QDPR: variants seen among roughly 807,000 people sequenced by gnomAD.
QDPR encodes dihydropteridine reductase.
A neutral mutation model predicts 31.7 loss-of-function variants in QDPR; 23 were observed. The observed-to-expected ratio is 0.73, with a 90% CI of 0.52 to 1.03. The LOEUF (loss-of-function observed/expected upper bound fraction) is 1.03. Ranked by LOEUF, QDPR falls within the 50% of genes least tolerant of loss-of-function variation. QDPR has a pLI of 0.00. For synonymous variants in QDPR, 124 were observed against 124.7 expected, an observed-to-expected ratio of 0.99 and a Z score of 0.03; for missense variants, 324 against 323.8, an observed-to-expected ratio of 1.00 and a Z score of 0.00.
intron 6 of QDPR, among the ~76,000 whole-genome samples, chr4:17,488,933 G>A (rs915027720): frequency 8.5e-5 from 13 of 152,226 alleles, no homozygotes; most frequent in African/African-American, 3.1e-4. Flanking sequence ...GGAAGGCTCT[G>A]AAAGAGACCA....
intron 5 of QDPR, among the ~76,000 whole-genome samples, chr4:17,491,559 A>T (rs1420929479): frequency 6.6e-6 from 1 of 152,228 alleles, no homozygotes; most frequent in Non-Finnish European, 1.5e-5. Context: ...TCACACATAC[A>T]TACCCCATAT....
intron 6 of QDPR, 116 bp downstream of exon 6, chr4:17,490,546 T>C (rs1577184615): frequency 4.7e-6 from 4 of 851,560 alleles, no homozygotes; most frequent in Non-Finnish European, 7.8e-6. Context: ...CCCAGAGACC[T>C]CCCAAGACCA....
chr4:17,491,576 T>C (rs555752949), intron 5 of QDPR, among the ~76,000 whole-genome samples: 1 of 152,242 alleles, frequency 6.6e-6, no homozygotes, highest in African/African-American at 2.4e-5. Context: ...ATATAATGAC[T>C]TGAAAGACAG....
rs747311750 is a variant in QDPR at position 17,496,442 on chromosome 4, C to CAAAAAAAAAAAA, written c.437-4114_437-4103dup. Among the ~76,000 whole-genome samples, 116 of 64,614 alleles carry CAAAAAAAAAAAA rather than the reference C, an allele frequency of 1.8e-3. 2 individuals are homozygous for CAAAAAAAAAAAA. Among genetic ancestry groups the CAAAAAAAAAAAA allele is most frequent in the South Asian group, 3.7e-3 (4 of 1,072 alleles). 42.4% of individuals were successfully genotyped at this position (64,614 alleles called of 152,430 possible). ...CTGGGCAATAAGGGCAAAACTGTCT[C>CAAAAAAAAAAAA]AAAAAAAAAAAAAAAAAAAAAAAAA... is the stretch of plus-strand genomic sequence containing the variant. On this transcript the variant is annotated intron_variant, in intron 4 of 6. Coordinates refer to ENST00000281243, the MANE Select transcript of QDPR (RefSeq NM_000320.3).
intron 4 of QDPR, 148 bp from the exon 5 acceptor site, chr4:17,492,488 AC>A: frequency 1.5e-6 from 1 of 678,632 alleles, no homozygotes; most frequent in Non-Finnish European, 2.6e-6. Context: ...GCCCTCACCA[AC>A]CCCCATCAAA....
intron 2 of QDPR, among the ~76,000 whole-genome samples, chr4:17,507,391 C>T (rs2108996071): frequency 6.6e-6 from 1 of 152,238 alleles, no homozygotes; most frequent in African/African-American, 2.4e-5. Flanking sequence ...GCACTAAAAA[C>T]CATTAAACAC....
At chr4:17,503,306 T>A (rs1329290533) in intron 3 of QDPR, among the ~76,000 whole-genome samples, 1 of 152,106 alleles carries the variant, frequency 6.6e-6, no homozygotes, top group Non-Finnish European at 1.5e-5. Context: ...GTGGAATATG[T>A]TTAGGGAAAA....
chr4:17,494,448 C>A (rs150725816), intron 4 of QDPR, among the ~76,000 whole-genome samples: 1 of 152,146 alleles, frequency 6.6e-6, no homozygotes, highest in Non-Finnish European at 1.5e-5. Flanking sequence ...TATGTGCTGG[C>A]GTGATGACTC....
chr4:17,504,459 C>G lies in QDPR; in HGVS notation c.215G>C (p.Gly72Ala). ...CACCTTCTCTTCACCCAAGAGCTTT[C>G]CAACCTCAGCAGTCACCTTCAACAC... is the stretch of plus-strand genomic sequence containing the variant. ...EQADQVTAEVGKLLGEEKVDA... is the reference protein window; with the variant it reads ...EQADQVTAEVAKLLGEEKVDA... The change falls in exon 3 of 7, where the codon GGA becomes GCA. Residue 72 changes from glycine (G) to alanine (A), a missense_variant. Gly to Ala is a moderately conservative substitution (Grantham distance 60). Transcript: ENST00000281243. 6.2e-7 allele frequency: 1 copy of G among 1,614,184 alleles called. No individual in the cohort carries two copies. Among genetic ancestry groups the G allele is most frequent in the Non-Finnish European group, 8.5e-7 (1 of 1,180,010 alleles).
intron 6 of QDPR, among the ~76,000 whole-genome samples, chr4:17,489,216 T>G (rs568169974): frequency 2.6e-5 from 4 of 152,202 alleles, no homozygotes; most frequent in Non-Finnish European, 4.4e-5. Flanking sequence ...GCAAACTTTA[T>G]GCCAGCTTTT....
chr4:17,512,079 G>T lies in QDPR; in HGVS notation c.-25C>A. 1 of 1,550,986 alleles carries T rather than the reference G, an allele frequency of 6.4e-7. No individual in the cohort carries two copies. The highest frequency in any genetic ancestry group is 8.7e-7 in the Non-Finnish European group (1 of 1,151,354). On this transcript the variant is annotated 5_prime_UTR_variant, in exon 1 of 7. Coordinates refer to ENST00000281243, the MANE Select transcript of QDPR (RefSeq NM_000320.3). ...TCCTGCTCCTGCCAGCCCGGCTCCC[G>T]CAGCTCCGAATGCCTCGAGCCGGAG...
At chr4:17,494,448 C>T (rs150725816) in intron 4 of QDPR, among the ~76,000 whole-genome samples, 2,857 of 152,258 alleles carry the variant, frequency 0.019, 34 homozygotes, top group Non-Finnish European at 0.029. Context: ...TATGTGCTGG[C>T]GTGATGACTC....
rs766608406 is a variant in QDPR at position 17,492,324 on chromosome 4, G to T, written c.453C>A (p.Gly151=). 3 of 1,614,168 alleles carry T rather than the reference G, an allele frequency of 1.9e-6. No individual in the cohort carries two copies. Among genetic ancestry groups the T allele is most frequent in the Non-Finnish European group, 2.5e-6 (3 of 1,180,002 alleles). ...GCTGGTGAACAGCACCCTTGGCCAT[G>T]CCGTACCCGATCATACCTGGGAAAT... is the stretch of plus-strand genomic sequence containing the variant. ...LDGTPGMIGY[G]MAKGAVHQLC... is the part of the protein sequence containing the mutation. The change falls in exon 5 of 7, where the codon GGC becomes GGA. Residue 151 remains glycine, a synonymous_variant. Transcript: ENST00000281243.
intron 2 of QDPR, among the ~76,000 whole-genome samples, chr4:17,507,899 G>A (rs1345364741): frequency 1.3e-5 from 2 of 152,122 alleles, no homozygotes; most frequent in Non-Finnish European, 2.9e-5. Context: ...ACTGCACCCA[G>A]CCTAGAGCAT....
At chr4:17,510,515 GT>G in intron 1 of QDPR, among the ~76,000 whole-genome samples, 1 of 152,244 alleles carries the variant, frequency 6.6e-6, no homozygotes. Flanking sequence ...TAATTAACTT[GT>G]TATCCCATGG....
In QDPR at chr4:17,487,196, A is replaced by C. The variant is rs767073073; in HGVS notation, c.670T>G (p.Ser224Ala). 1 of 1,613,956 alleles carries C rather than the reference A, an allele frequency of 6.2e-7. No homozygotes were observed. Among genetic ancestry groups the C allele is most frequent in the Non-Finnish European group, 8.5e-7 (1 of 1,180,042 alleles). Reference sequence around the variant, plus strand: ...GTTACCACCTGGATTAGGCTTCCTGAGCTCGGTCGGTTTTTCCCTGTGATC... The same window carrying C: ...GTTACCACCTGGATTAGGCTTCCTGCGCTCGGTCGGTTTTTCCCTGTGATC... ...DWITGKNRPSSGSLIQVVTTE... is the reference protein window; with the variant it reads ...DWITGKNRPSAGSLIQVVTTE... Residue 224 changes from serine (S) to alanine (A), a missense_variant, in exon 7 of 7, where the codon TCA becomes GCA. Ser to Ala is a moderately conservative substitution (Grantham distance 99). Transcript: ENST00000281243.
rs2315248 is a variant in QDPR at position 17,504,541 on chromosome 4, G to A, written c.199-66C>T. ...AGCCAACACAGGCTAGCATCTTTACGGATACTCAGTTTCTTTTTCTCTTCT... is the reference window on the plus strand; with the variant it reads ...AGCCAACACAGGCTAGCATCTTTACAGATACTCAGTTTCTTTTTCTCTTCT... On this transcript the variant is annotated intron_variant, in intron 2 of 6. Coordinates refer to ENST00000281243, the MANE Select transcript of QDPR (RefSeq NM_000320.3). 0.17 allele frequency: 216,965 copies of A among 1,271,074 alleles called. 19,142 individuals carry two copies. Among genetic ancestry groups the A allele is most frequent in the Admixed American group, 0.22 (12,988 of 58,860 alleles). The allele number at this position is 1,271,074 out of a possible 1,614,324, so 78.7% of individuals were successfully genotyped here. A position where few individuals can be genotyped will look rare whatever the true frequency, so the allele number is the denominator to read the frequency against.
intron 4 of QDPR, among the ~76,000 whole-genome samples, chr4:17,498,197 G>A (rs897399367): frequency 6.6e-6 from 1 of 152,188 alleles, no homozygotes; most frequent in African/African-American, 2.4e-5. Flanking sequence ...TAATTGCTGT[G>A]GAGGCATCGC....
rs369721483 is a variant in QDPR at position 17,509,237 on chromosome 4, C to T, written c.198+34G>A. ...CAGTGGTCACCTCTCCCCAGGGTTC[C>T]CCTCACAATGTTTGGGGGCCTTTTT... On this transcript the variant is annotated intron_variant, in intron 2 of 6. Coordinates refer to ENST00000281243, the MANE Select transcript of QDPR (RefSeq NM_000320.3). 2.8e-4 allele frequency: 433 copies of T among 1,536,444 alleles called. 6 individuals carry two copies. The South Asian group carries it at 3.6e-3, about 13-fold the overall frequency.
Sources: gnomAD v4.1 joint callset for allele counts (sites outside exome capture counted in the v4.1 genomes callset) on GRCh38, gnomAD v4.1.1 for gene constraint, MANE v1.5 for transcripts, NCBI Gene and HGNC (gene_info 2026-07-23, HGNC 2026-07-21) for gene names.